Variants in ITGBL1 observed in about 807,000 individuals in gnomAD.
ITGBL1 encodes integrin beta-like protein 1.
Under a neutral mutation model 68.5 loss-of-function variants are expected in ITGBL1, and 51 were observed. That is an observed-to-expected ratio of 0.74 (90% CI 0.59 to 0.94). ITGBL1 has a LOEUF of 0.94. ITGBL1 is among the 40% of genes least tolerant of loss of function. The pLI, the probability that ITGBL1 is intolerant of heterozygous loss-of-function variation, is 0.00. For synonymous variants in ITGBL1, 209 were observed against 227.3 expected (o/e 0.92, Z 0.72); for missense variants, 649 against 647.4 (o/e 1.00, Z -0.03).
chr13:101,687,415 A>T (rs1349060830), intron 7 of ITGBL1, among the ~76,000 whole-genome samples: 1 of 152,046 alleles, frequency 6.6e-6, no homozygotes, highest in African/African-American at 2.4e-5. Flanking sequence ...AAATTTAAAG[A>T]GATTTAAATT....
At chr13:101,614,971 C>A (rs1369412479) in intron 7 of ITGBL1, among the ~76,000 whole-genome samples, 1 of 152,112 alleles carries the variant, frequency 6.6e-6, no homozygotes, top group African/African-American at 2.4e-5. Context: ...CCTAGGGCTG[C>A]AAAAACAAAT....
At chr13:101,538,961 A>G (rs2049630825) in intron 2 of ITGBL1, among the ~76,000 whole-genome samples, 2 of 151,542 alleles carry the variant, frequency 1.3e-5, no homozygotes, top group African/African-American at 4.8e-5. Flanking sequence ...AACTTGCTCA[A>G]GTTCACACAG....
At chr13:101,526,905 T>A (rs9585723) in intron 2 of ITGBL1, among the ~76,000 whole-genome samples, 13 of 151,904 alleles carry the variant, frequency 8.6e-5, no homozygotes, top group African/African-American at 3.1e-4. Flanking sequence ...GAACATTTTC[T>A]TGTATCAACA....
intron 7 of ITGBL1, among the ~76,000 whole-genome samples, chr13:101,653,876 T>C (rs1015975389): frequency 6.8e-6 from 1 of 147,916 alleles, no homozygotes; most frequent in African/African-American, 2.5e-5. Context: ...TTTTGTTTTT[T>C]TTTTTTTGTA....
intron 7 of ITGBL1, among the ~76,000 whole-genome samples, chr13:101,682,734 A>G (rs916743512): frequency 4.6e-5 from 7 of 151,982 alleles, no homozygotes; most frequent in African/African-American, 1.4e-4. Flanking sequence ...TTGTTTGTAC[A>G]AATATTTTGT....
intron 7 of ITGBL1, among the ~76,000 whole-genome samples, chr13:101,623,140 A>G (rs1037381900): frequency 2.6e-5 from 4 of 152,096 alleles, no homozygotes; most frequent in Non-Finnish European, 4.4e-5. Flanking sequence ...CTCTATTTAA[A>G]TTGTGTGTTT....
intron 7 of ITGBL1, among the ~76,000 whole-genome samples, chr13:101,683,971 G>A (rs1594978491): frequency 2.0e-5 from 3 of 152,030 alleles, no homozygotes; most frequent in South Asian, 4.2e-4. Context: ...TGAGACAGTT[G>A]TCAGATATGT....
At position 101,593,874 on chromosome 13, in the gene ITGBL1, T is replaced by C. The variant is rs537828043; in HGVS notation, c.869-4279T>C. Among the ~76,000 whole-genome samples the C allele has an allele frequency of 1.5e-4, 23 of 152,184 alleles. No homozygotes were observed. In the East Asian group the frequency reaches 4.4e-3, roughly 29 times the overall value. On this transcript the variant is annotated intron_variant, in intron 6 of 10. Transcript: ENST00000376180. ...GTTGAGGACAGTTAACAGTAAGATA[T>C]GGCATATTATAATTAGAAAATAATT... is the stretch of plus-strand genomic sequence containing the variant.
chr13:101,596,040 CAT>C (rs200131554), intron 6 of ITGBL1, among the ~76,000 whole-genome samples: 1,680 of 74,868 alleles, frequency 0.022, 34 homozygotes, highest in African/African-American at 0.078. Context: ...CATATATTTA[CAT>C]ATGTGTGTGT....
chr13:101,543,245 C>T (rs1160335832), intron 2 of ITGBL1, among the ~76,000 whole-genome samples: 1 of 152,114 alleles, frequency 6.6e-6, no homozygotes, highest in Non-Finnish European at 1.5e-5. Flanking sequence ...TCTTTTAGGG[C>T]AGGCCTGGTG....
At chr13:101,526,852 C>T (rs2049388965) in intron 2 of ITGBL1, among the ~76,000 whole-genome samples, 1 of 152,014 alleles carries the variant, frequency 6.6e-6, no homozygotes, top group Admixed American at 6.6e-5. Flanking sequence ...GGTATCATGG[C>T]ATTCTACCCC....
rs192448992 is a variant in ITGBL1 at position 101,684,404 on chromosome 13, G to A, written c.1016-8181G>A. Among the ~76,000 whole-genome samples the A allele has an allele frequency of 2.2e-3, 327 of 151,920 alleles. 3 individuals carry two copies. Among genetic ancestry groups the A allele is most frequent in the Middle Eastern group, 0.014 (4 of 294 alleles). The stretch of plus-strand genomic sequence containing the variant: ...TTTAAAAAATCCTGATAAGATTTTG[G>A]TTGTAGTTACATCGAATCTATAGAT... On this transcript the variant is annotated intron_variant, in intron 7 of 10. Transcript: ENST00000376180.
chr13:101,597,543 TG>T (rs1372316712), intron 6 of ITGBL1, among the ~76,000 whole-genome samples: 5 of 151,212 alleles, frequency 3.3e-5, no homozygotes, highest in East Asian at 1.9e-4. Context: ...CTTTTTTTGT[TG>T]TTTTTTTTGT....
intron 2 of ITGBL1, among the ~76,000 whole-genome samples, chr13:101,529,167 AAG>A (rs1379146149): frequency 3.9e-5 from 6 of 152,078 alleles, no homozygotes; most frequent in Non-Finnish European, 7.4e-5. Flanking sequence ...AAAATTGAGA[AAG>A]AGAAATGCAG....
intron 7 of ITGBL1, among the ~76,000 whole-genome samples, chr13:101,634,920 A>G (rs2032115148): frequency 6.6e-6 from 1 of 150,912 alleles, no homozygotes; most frequent in Non-Finnish European, 1.5e-5. Flanking sequence ...AAGCATAGAT[A>G]TACTTTCAAT....
At chr13:101,666,249 C>T (rs1405507089) in intron 7 of ITGBL1, among the ~76,000 whole-genome samples, 1 of 152,158 alleles carries the variant, frequency 6.6e-6, no homozygotes, top group African/African-American at 2.4e-5. Context: ...TGAATGAACC[C>T]TTTGTACTCT....
intron 2 of ITGBL1, among the ~76,000 whole-genome samples, chr13:101,545,760 G>T (rs965766992): frequency 2.0e-5 from 3 of 152,078 alleles, no homozygotes; most frequent in African/African-American, 7.2e-5. Context: ...CCCTCTGCTG[G>T]GACTCATGGA....
chr13:101,680,355 G>T (rs539600360), intron 7 of ITGBL1, among the ~76,000 whole-genome samples: 3 of 151,926 alleles, frequency 2.0e-5, no homozygotes, highest in Non-Finnish European at 4.4e-5. Context: ...TCTGTTTTAT[G>T]TGAGCCTCTA....
intron 7 of ITGBL1, among the ~76,000 whole-genome samples, chr13:101,638,532 T>C (rs1460691713): frequency 6.6e-6 from 1 of 151,586 alleles, no homozygotes; most frequent in East Asian, 1.9e-4. Flanking sequence ...TTTAATGGAG[T>C]CACAGTTCCA....
Sources: allele counts gnomAD v4.1 joint callset (sites outside exome capture counted in the v4.1 genomes callset), GRCh38; gene constraint gnomAD v4.1.1; transcripts MANE v1.5; gene names NCBI Gene and HGNC (gene_info 2026-07-23, HGNC 2026-07-21).